Variants in CDH18 observed in about 807,000 individuals in gnomAD.
CDH18 encodes the protein cadherin 18.
A neutral mutation model predicts 67.9 loss-of-function variants in CDH18; 31 were observed. That is an observed-to-expected ratio of 0.46 (90% CI 0.34 to 0.62). The LOEUF (loss-of-function observed/expected upper bound fraction) is 0.62, where lower values mean the gene tolerates loss of function less well. CDH18 is among the 20% of genes least tolerant of loss of function. The pLI is 0.01. For synonymous variants in CDH18, 362 were observed against 347.2 expected, an observed-to-expected ratio of 1.04 and a Z score of -0.48; for missense variants, 890 against 975.5, an observed-to-expected ratio of 0.91 and a Z score of 1.17.
intron 2 of CDH18, among the ~76,000 whole-genome samples, chr5:19,859,792 C>T (rs1307248102): frequency 1.3e-5 from 2 of 151,904 alleles, no homozygotes; most frequent in African/African-American, 2.4e-5. Flanking sequence ...TGTATAAAAC[C>T]ATGCTGTAGC....
intron 2 of CDH18, among the ~76,000 whole-genome samples, chr5:20,191,442 T>G (rs2126718573): frequency 6.6e-6 from 1 of 152,204 alleles, no homozygotes; most frequent in Middle Eastern, 3.4e-3. Context: ...CATGAATTTT[T>G]GTTACATTGG....
intron 2 of CDH18, among the ~76,000 whole-genome samples, chr5:20,145,658 CA>C (rs1186295132): frequency 6.6e-6 from 1 of 152,128 alleles, no homozygotes; most frequent in Non-Finnish European, 1.5e-5. Flanking sequence ...CAAGTTGACA[CA>C]TAAAATTAAC....
At chr5:19,680,030 C>T (rs1760052424) in intron 5 of CDH18, among the ~76,000 whole-genome samples, 1 of 151,976 alleles carries the variant, frequency 6.6e-6, no homozygotes. Context: ...CATTATCCAA[C>T]TTCAAACTAT....
At chr5:20,245,098 T>C (rs923635324) in intron 2 of CDH18, among the ~76,000 whole-genome samples, 2 of 152,154 alleles carry the variant, frequency 1.3e-5, no homozygotes, top group African/African-American at 2.4e-5. Flanking sequence ...CTCAGTTCTA[T>C]AAAATGGCTT....
At chr5:20,215,436 A>T (rs147699822) in intron 2 of CDH18, among the ~76,000 whole-genome samples, 3,561 of 90,782 alleles carry the variant, frequency 0.039, 147 homozygotes, top group African/African-American at 0.16. Context: ...CATCCAAAAA[A>T]TAAATAAATA....
At chr5:20,439,052 T>C (rs2150187490) in intron 1 of CDH18, among the ~76,000 whole-genome samples, 1 of 151,592 alleles carries the variant, frequency 6.6e-6, no homozygotes, top group African/African-American at 2.4e-5. Flanking sequence ...TTTTAACTTG[T>C]TTGTCCAGTG....
rs1395129468 is a variant in CDH18, at chr5:19,703,072, T to C, written c.643+18275A>G. 2.0e-5 allele frequency among the ~76,000 whole-genome samples: 3 copies of C among 152,072 alleles called. No homozygotes were observed. The East Asian group carries it at 5.8e-4, about 29-fold the overall frequency. On this transcript the variant is annotated intron_variant, in intron 5 of 12. Transcript: ENST00000382275. ...GTGCGTAAAACTCTGTTCATGGCTC[T>C]CAGCTCTGAAGGCTGTCAGCCCCGA...
At chr5:19,762,148 A>G (rs564780874) in intron 3 of CDH18, among the ~76,000 whole-genome samples, 130 of 152,216 alleles carry the variant, frequency 8.5e-4, no homozygotes, top group Non-Finnish European at 1.5e-3. Context: ...CCTAGAAGAA[A>G]CCCTAGGCAA....
At chr5:19,723,005 G>A (rs1211676307) in intron 4 of CDH18, among the ~76,000 whole-genome samples, 4 of 151,994 alleles carry the variant, frequency 2.6e-5, no homozygotes, top group Non-Finnish European at 5.9e-5. Flanking sequence ...CTGAGGCTAG[G>A]GGATCACCTG....
At chr5:20,062,346 G>T (rs1742574932) in intron 2 of CDH18, among the ~76,000 whole-genome samples, 1 of 151,794 alleles carries the variant, frequency 6.6e-6, no homozygotes, top group African/African-American at 2.4e-5. Context: ...CAGACATGGG[G>T]TTTCACCATG....
intron 1 of CDH18, among the ~76,000 whole-genome samples, chr5:20,425,967 T>C (rs1263352606): frequency 6.6e-6 from 1 of 151,218 alleles, no homozygotes; most frequent in Non-Finnish European, 1.5e-5. Flanking sequence ...CTATGCCAAA[T>C]AGGTAAAAAT....
intron 1 of CDH18, among the ~76,000 whole-genome samples, chr5:20,522,081 G>T (rs1046251213): frequency 6.6e-6 from 1 of 152,098 alleles, no homozygotes; most frequent in Non-Finnish European, 1.5e-5. Context: ...TACAAAAAGA[G>T]AAAATTTGGC....
chr5:19,503,356 T>C (rs2126765818), intron 10 of CDH18, among the ~76,000 whole-genome samples: 1 of 151,530 alleles, frequency 6.6e-6, no homozygotes, highest in African/African-American at 2.4e-5. Flanking sequence ...GCAAACGCAT[T>C]GATTTTTTTT....
At chr5:20,529,037 A>C (rs1009315894) in intron 1 of CDH18, among the ~76,000 whole-genome samples, 4 of 152,044 alleles carry the variant, frequency 2.6e-5, no homozygotes, top group African/African-American at 9.7e-5. Context: ...ATTCAAAAAA[A>C]TACAATCAGA....
At chr5:20,505,992 G>C (rs1460673395) in intron 1 of CDH18, among the ~76,000 whole-genome samples, 2 of 152,082 alleles carry the variant, frequency 1.3e-5, no homozygotes, top group Non-Finnish European at 2.9e-5. Context: ...CTATGATCTA[G>C]AGAAATAATC....
intron 1 of CDH18, among the ~76,000 whole-genome samples, chr5:20,413,726 G>C (rs1265782773): frequency 6.6e-6 from 1 of 152,114 alleles, no homozygotes; most frequent in African/African-American, 2.4e-5. Flanking sequence ...TTTGTCAGAT[G>C]GGTAGAGTGC....
At chr5:20,324,432 T>A (rs1400758705) in intron 1 of CDH18, among the ~76,000 whole-genome samples, 3 of 152,044 alleles carry the variant, frequency 2.0e-5, no homozygotes, top group African/African-American at 7.2e-5. Flanking sequence ...TCCCAGCTAC[T>A]CGGGAAGCTG....
At chr5:20,210,921 CTTG>C in intron 2 of CDH18, among the ~76,000 whole-genome samples, 1 of 151,822 alleles carries the variant, frequency 6.6e-6, no homozygotes, top group East Asian at 1.9e-4. Context: ...ATATACTTAT[CTTG>C]TTTAATGAAA....
chr5:20,377,033 T>A (rs994047821), intron 1 of CDH18, among the ~76,000 whole-genome samples: 17 of 138,366 alleles, frequency 1.2e-4, no homozygotes, highest in East Asian at 4.1e-4. Flanking sequence ...AAAAAAAAAA[T>A]ATTAGGTCAG....
Sources: gnomAD v4.1 joint callset for allele counts (sites outside exome capture counted in the v4.1 genomes callset) on GRCh38, gnomAD v4.1.1 for gene constraint, MANE v1.5 for transcripts, NCBI Gene and HGNC (gene_info 2026-07-23, HGNC 2026-07-21) for gene names.